DACH1: variants seen among roughly 807,000 people sequenced by gnomAD.
The protein encoded by DACH1 is dachshund homolog 1.
In DACH1, 12 loss-of-function variants were observed where a neutral mutation model predicts 54.2. The observed-to-expected ratio is 0.22, with a 90% CI of 0.14 to 0.36. The LOEUF (loss-of-function observed/expected upper bound fraction) is 0.36. Among genes scored for constraint, DACH1 ranks in the 10% least tolerant of loss-of-function variants. The pLI, the probability that DACH1 is intolerant of heterozygous loss-of-function variation, is 1.00. For missense variants in DACH1, 805 were observed against 929.8 expected (o/e 0.87, Z 1.75); for synonymous variants, 386 against 366.2 (o/e 1.05, Z -0.62).
At chr13:71,609,097 A>G (rs112957945) in intron 3 of DACH1, among the ~76,000 whole-genome samples, 4 of 152,282 alleles carry the variant, frequency 2.6e-5, no homozygotes, top group African/African-American at 9.6e-5. Flanking sequence ...TAATAAATAT[A>G]TTAAGCAACA....
chr13:71,513,603 G>A (rs1022897060), intron 6 of DACH1, among the ~76,000 whole-genome samples: 1 of 151,936 alleles, frequency 6.6e-6, no homozygotes, highest in South Asian at 2.1e-4. Flanking sequence ...AAATGTCAAG[G>A]GTAAATGATT....
intron 1 of DACH1, among the ~76,000 whole-genome samples, chr13:71,807,950 C>T (rs1321683261): frequency 6.6e-6 from 1 of 152,128 alleles, no homozygotes; most frequent in Non-Finnish European, 1.5e-5. Flanking sequence ...ATGTTAATGT[C>T]AACCTTATCA....
chr13:71,619,432 T>C (rs565903421), intron 3 of DACH1, among the ~76,000 whole-genome samples: 52 of 151,968 alleles, frequency 3.4e-4, no homozygotes, highest in Non-Finnish European at 5.9e-4. Context: ...CAATCACACA[T>C]CTCACAATTC....
chr13:71,572,638 T>C (rs978266860), intron 4 of DACH1, among the ~76,000 whole-genome samples: 1 of 152,096 alleles, frequency 6.6e-6, no homozygotes, highest in Non-Finnish European at 1.5e-5. Context: ...TCTTAATAGA[T>C]ATATAGAGAA....
chr13:71,700,785 A>G (rs1049106485), intron 1 of DACH1, among the ~76,000 whole-genome samples: 1 of 152,112 alleles, frequency 6.6e-6, no homozygotes. Flanking sequence ...ATACAATAAA[A>G]TCTTTATATT....
intron 1 of DACH1, among the ~76,000 whole-genome samples, chr13:71,800,509 T>C (rs1473730908): frequency 1.3e-5 from 2 of 152,110 alleles, no homozygotes; most frequent in East Asian, 3.9e-4. Flanking sequence ...TGATAACATT[T>C]GCTCTTTTAC....
At chr13:71,748,892 T>TCTCTCTCTC (rs1566476816) in intron 1 of DACH1, among the ~76,000 whole-genome samples, 1 of 104,408 alleles carries the variant, frequency 9.6e-6, no homozygotes, top group Non-Finnish European at 1.7e-5. Context: ...CTTTCTTTCT[T>TCTCTCTCTC]TCTTTCTCTT....
intron 10 of DACH1, among the ~76,000 whole-genome samples, chr13:71,441,691 A>C (rs2138094280): frequency 6.6e-6 from 1 of 152,186 alleles, no homozygotes; most frequent in Admixed American, 6.5e-5. Flanking sequence ...TCAGGAAATA[A>C]AAAAGATAGT....
intron 1 of DACH1, among the ~76,000 whole-genome samples, chr13:71,842,117 G>A (rs923780787): frequency 2.0e-5 from 3 of 152,114 alleles, no homozygotes; most frequent in Non-Finnish European, 4.4e-5. Context: ...GTTTCCTTGG[G>A]CAATTTATTT....
chr13:71,674,258 A>G (rs888951767), intron 2 of DACH1, among the ~76,000 whole-genome samples: 3 of 152,116 alleles, frequency 2.0e-5, no homozygotes, highest in Admixed American at 2.0e-4. Flanking sequence ...TAGGCTGCCA[A>G]TGGCCTCCAA....
At chr13:71,767,373 A>T (rs560088175) in intron 1 of DACH1, among the ~76,000 whole-genome samples, 1 of 152,082 alleles carries the variant, frequency 6.6e-6, no homozygotes, top group East Asian at 1.9e-4. Flanking sequence ...GGGGAATAAA[A>T]TATCTAAGAA....
At position 71,866,369 on chromosome 13, in the gene DACH1, A is replaced by C. The variant is rs1252262957; in HGVS notation, c.401T>G (p.Ile134Ser). The C allele has an allele frequency of 1.3e-6, 2 of 1,509,258 alleles. No homozygotes were observed. Among genetic ancestry groups the C allele is most frequent in the African/African-American group, 1.4e-5 (1 of 71,358 alleles). The allele number at this position is 1,509,258 out of a possible 1,614,324, so 93.5% of individuals were successfully genotyped here. Residue 134 changes from isoleucine to serine, a missense_variant, in exon 1 of 11, where the codon ATC becomes AGC. Physicochemically the swap from Ile to Ser is moderately radical, Grantham distance 142 (BLOSUM62 -2). Coordinates refer to ENST00000613252, the MANE Select transcript of DACH1 (RefSeq NM_080759.6). ...GCTGCTGCTGCCGGTGCTGGCGTTG[A>C]TGGGGGTGCTGGAAGCGACGCCGCC... ...AGGGVASSTPINASTGSSSSS... is the reference protein window; with the variant it reads ...AGGGVASSTPSNASTGSSSSS...
At chr13:71,518,981 G>A (rs1881363498) in intron 6 of DACH1, among the ~76,000 whole-genome samples, 1 of 151,906 alleles carries the variant, frequency 6.6e-6, no homozygotes. Context: ...CTGAAGCAGA[G>A]TCCCAATTGT....
chr13:71,715,473 C>T (rs1276593623), intron 1 of DACH1, among the ~76,000 whole-genome samples: 1 of 152,036 alleles, frequency 6.6e-6, no homozygotes, highest in African/African-American at 2.4e-5. Flanking sequence ...TACATTCTTC[C>T]AACCTAAGAA....
At chr13:71,835,672 A>G (rs191050200) in intron 1 of DACH1, among the ~76,000 whole-genome samples, 2 of 152,182 alleles carry the variant, frequency 1.3e-5, no homozygotes, top group Admixed American at 1.3e-4. Flanking sequence ...GTCCCAACAG[A>G]ATTAGTAATA....
intron 1 of DACH1, among the ~76,000 whole-genome samples, chr13:71,815,669 C>T (rs982763533): frequency 2.0e-5 from 3 of 152,152 alleles, no homozygotes; most frequent in African/African-American, 4.8e-5. Flanking sequence ...GTAATTAAAA[C>T]TCAATAAATG....
chr13:71,819,286 C>T (rs1645910832), intron 1 of DACH1, among the ~76,000 whole-genome samples: 2 of 152,204 alleles, frequency 1.3e-5, no homozygotes, highest in Admixed American at 1.3e-4. Flanking sequence ...ATCCAGCTGG[C>T]ACTTTGCATA....
At chr13:71,548,295 A>T (rs1416818279) in intron 6 of DACH1, among the ~76,000 whole-genome samples, 1 of 152,188 alleles carries the variant, frequency 6.6e-6, no homozygotes, top group African/African-American at 2.4e-5. Flanking sequence ...CTTCAAAACT[A>T]TTAGGTCAAA....
chr13:71,566,302 T>G (rs1016240576), intron 4 of DACH1, among the ~76,000 whole-genome samples: 8 of 152,202 alleles, frequency 5.3e-5, no homozygotes, highest in African/African-American at 1.9e-4. Flanking sequence ...GGGGTACGAC[T>G]ACTTCATAGA....
Sources: allele counts gnomAD v4.1 joint callset (sites outside exome capture counted in the v4.1 genomes callset), GRCh38; gene constraint gnomAD v4.1.1; transcripts MANE v1.5; gene names NCBI Gene and HGNC (gene_info 2026-07-23, HGNC 2026-07-21).